The following EEF1AKMT1 variants were observed in gnomAD, a reference collection of about 807,000 sequenced individuals.
EEF1AKMT1 encodes EEF1A lysine methyltransferase 1.
A neutral mutation model predicts 21.0 loss-of-function variants in EEF1AKMT1; 18 were observed. The observed-to-expected ratio is 0.86, with a 90% confidence interval of 0.59 to 1.27. The LOEUF (loss-of-function observed/expected upper bound fraction) is 1.27, where lower values mean the gene tolerates loss of function less well. Among genes scored for constraint, EEF1AKMT1 ranks in the 50% most tolerant of loss-of-function variants. EEF1AKMT1 has a pLI of 0.00. For missense variants in EEF1AKMT1, 246 were observed against 258.6 expected, an observed-to-expected ratio of 0.95 and a Z score of 0.33; for synonymous variants, 109 against 94.8, an observed-to-expected ratio of 1.15 and a Z score of -0.87.
intron 2 of EEF1AKMT1, among the ~76,000 whole-genome samples, chr13:20,739,344 G>C (rs745687496): frequency 4.6e-5 from 7 of 152,184 alleles, no homozygotes; most frequent in East Asian, 1.9e-4. Flanking sequence ...GGCAACCCAA[G>C]AGGGTTGCCG....
rs1006747148 is a variant in EEF1AKMT1 at position 20,737,779 on chromosome 13, C to T, written c.171G>A (p.Gln57=). 2 of 1,612,876 alleles carry T rather than the reference C, an allele frequency of 1.2e-6. No homozygotes were observed. The highest frequency in any genetic ancestry group is 1.3e-5 in the African/African-American group (1 of 75,016). ...NWQLSQFWYS[Q]ETALQLAQEA... ...CCTGTGCCAGCTGCAGAGCAGTTTCCTGACTATACCAAAACTGGCTCAGTT... is the reference window on the plus strand; with the variant it reads ...CCTGTGCCAGCTGCAGAGCAGTTTCTTGACTATACCAAAACTGGCTCAGTT... Residue 57 remains glutamine (Q), a synonymous_variant, in exon 3 of 5, where the codon CAG becomes CAA. Transcript: ENST00000382758.
At chr13:20,731,691 G>C (rs963626185) in intron 4 of EEF1AKMT1, 150 bp downstream of exon 4, 1 of 790,324 alleles carries the variant, frequency 1.3e-6, no homozygotes, top group Non-Finnish European at 2.0e-6. Context: ...ATCAGTCCTA[G>C]TTTACAGATA....
At chr13:20,748,726 G>GTTTTTTTTTTTTTTTTT (rs750094631) in intron 2 of EEF1AKMT1, among the ~76,000 whole-genome samples, 24 of 72,612 alleles carry the variant, frequency 3.3e-4, no homozygotes, top group African/African-American at 8.9e-4. Context: ...TTTTTTTTTG[G>GTTTTTTTTTTTTTTTTT]TTTTTTTTTT....
intron 2 of EEF1AKMT1, 146 bp downstream of exon 2, chr13:20,757,309 G>T: frequency 1.2e-6 from 1 of 859,652 alleles, no homozygotes; most frequent in Non-Finnish European, 1.8e-6. Context: ...ACTGCTTTCT[G>T]TCTTAGCTCC....
chr13:20,755,553 C>G (rs781617072), intron 2 of EEF1AKMT1, among the ~76,000 whole-genome samples: 9 of 152,330 alleles, frequency 5.9e-5, no homozygotes, highest in Non-Finnish European at 1.2e-4. Context: ...CCTAATTGAT[C>G]CCTGTCAAGC....
intron 2 of EEF1AKMT1, among the ~76,000 whole-genome samples, chr13:20,738,970 C>G (rs914339312): frequency 6.6e-6 from 1 of 152,098 alleles, no homozygotes; most frequent in African/African-American, 2.4e-5. Flanking sequence ...AGCTGTGGAC[C>G]CTCACGATGA....
At chr13:20,752,522 T>A (rs1333606764) in intron 2 of EEF1AKMT1, among the ~76,000 whole-genome samples, 1 of 152,130 alleles carries the variant, frequency 6.6e-6, no homozygotes, top group African/African-American at 2.4e-5. Flanking sequence ...TAATTTTTTT[T>A]GATGTACTAT....
intron 3 of EEF1AKMT1, among the ~76,000 whole-genome samples, chr13:20,736,865 G>A (rs1179825599): frequency 1.3e-5 from 2 of 149,378 alleles, no homozygotes; most frequent in Non-Finnish European, 3.0e-5. Context: ...AGCCTCTTGA[G>A]TAGCTGGGAT....
At chr13:20,766,298 C>CAAAAAAAAAAAAAAA (rs35866979) in intron 1 of EEF1AKMT1, among the ~76,000 whole-genome samples, 5 of 76,740 alleles carry the variant, frequency 6.5e-5, no homozygotes, top group Non-Finnish European at 9.2e-5. Context: ...GACTCCATCT[C>CAAAAAAAAAAAAAAA]AAAAAAAAAA....
intron 4 of EEF1AKMT1, among the ~76,000 whole-genome samples, chr13:20,729,873 G>A (rs1024028987): frequency 1.8e-4 from 28 of 152,320 alleles, no homozygotes; most frequent in African/African-American, 6.0e-4. Context: ...AACAGCCCGC[G>A]GTGCCCAGGT....
At chr13:20,741,581 C>T (rs928243118) in intron 2 of EEF1AKMT1, among the ~76,000 whole-genome samples, 1 of 151,500 alleles carries the variant, frequency 6.6e-6, no homozygotes, top group African/African-American at 2.4e-5. Flanking sequence ...CTCAGCCTCC[C>T]GAGTAGCTGG....
At chr13:20,755,646 G>T (rs3923852) in intron 2 of EEF1AKMT1, among the ~76,000 whole-genome samples, 5 of 151,988 alleles carry the variant, frequency 3.3e-5, no homozygotes, top group Non-Finnish European at 2.9e-5. Context: ...CTCTAAGGTA[G>T]TCTATTTGAA....
Position 20,738,386 on chromosome 13 carries a change from G to A in EEF1AKMT1, c.145-581C>T, listed in dbSNP as rs185655308. On this transcript the variant is annotated intron_variant, in intron 2 of 4. Coordinates refer to ENST00000382758, the MANE Select transcript of EEF1AKMT1 (RefSeq NM_001318939.2). ...TGGTGATTTTTAAAAAATTTCTAGTGATCTTTATCTATTCATAGTTATAAA... is the reference window on the plus strand; with the variant it reads ...TGGTGATTTTTAAAAAATTTCTAGTAATCTTTATCTATTCATAGTTATAAA... Among the ~76,000 whole-genome samples the A allele has an allele frequency of 7.3e-3, 1,108 of 152,284 alleles. 5 individuals are homozygous for A. Among genetic ancestry groups the A allele is most frequent in the Admixed American group, 0.014 (209 of 15,288 alleles).
intron 3 of EEF1AKMT1, among the ~76,000 whole-genome samples, chr13:20,734,262 G>C (rs1368782560): frequency 6.6e-6 from 1 of 152,228 alleles, no homozygotes; most frequent in East Asian, 1.9e-4. Flanking sequence ...ACTTCAGGTA[G>C]GACAGTGGTC....
In EEF1AKMT1 at chr13:20,758,526, A is replaced by G. The variant is rs562527126; in HGVS notation, c.-19-909T>C. 3.3e-4 allele frequency among the ~76,000 whole-genome samples: 50 copies of G among 152,318 alleles called. No homozygotes were observed. The East Asian group carries it at 6.2e-3, about 19-fold the overall frequency. ...ACAAATTATGGCATATAAATCAAGTATCAGTATTTTGGCTAGCTTATATAT... is the reference window on the plus strand; with the variant it reads ...ACAAATTATGGCATATAAATCAAGTGTCAGTATTTTGGCTAGCTTATATAT... On this transcript the variant is annotated intron_variant, in intron 1 of 4. Coordinates refer to ENST00000382758, the MANE Select transcript of EEF1AKMT1 (RefSeq NM_001318939.2).
At chr13:20,751,502 G>C (rs1341343238) in intron 2 of EEF1AKMT1, among the ~76,000 whole-genome samples, 1 of 152,104 alleles carries the variant, frequency 6.6e-6, no homozygotes, top group African/African-American at 2.4e-5. Context: ...TCTCTATTCT[G>C]TTCCATTGGT....
Position 20,731,880 on chromosome 13 carries a change from C to T in EEF1AKMT1, c.469G>A (p.Val157Ile), listed in dbSNP as rs200509905. The change falls in exon 4 of 5, where the codon GTC becomes ATC. Residue 157 changes from valine (V) to isoleucine (I), a missense_variant. By Grantham distance (29) the Val-to-Ile change is conservative. Transcript: ENST00000382758. ...EECLRKTSET[V>I]KYLTRGKILL... ...ATCTTGCCCCGCGTCAGGTACTTGA[C>T]GGTTTCCGATGTTTTTCTGAGACAT... 44 of 1,614,040 alleles carry T rather than the reference C, an allele frequency of 2.7e-5. No homozygotes were observed. The highest frequency in any genetic ancestry group is 5.5e-5 in the South Asian group (5 of 91,094).
At chr13:20,748,471 T>C (rs1055769175) in intron 2 of EEF1AKMT1, among the ~76,000 whole-genome samples, 6 of 151,744 alleles carry the variant, frequency 4.0e-5, no homozygotes, top group African/African-American at 1.5e-4. Context: ...ACTAGGCTTA[T>C]AAAGAAAAAC....
At position 20,729,586 on chromosome 13, in the gene EEF1AKMT1, C is replaced by A. The variant is rs143667120; in HGVS notation, c.509-370G>T. Among the ~76,000 whole-genome samples the A allele has an allele frequency of 4.2e-3, 636 of 152,120 alleles. 18 individuals carry two copies. Among genetic ancestry groups the A allele is most frequent in the Admixed American group, 0.038 (581 of 15,276 alleles). ...CATTTCCCAACGTTGAGCCAAGAGC[C>A]TTTTTCAGTAATATCCAATCTTGCA... On this transcript the variant is annotated intron_variant, in intron 4 of 4. Transcript: ENST00000382758.
Sources: gnomAD v4.1 joint callset for allele counts (sites outside exome capture counted in the v4.1 genomes callset) on GRCh38, gnomAD v4.1.1 for gene constraint, MANE v1.5 for transcripts, NCBI Gene and HGNC (gene_info 2026-07-23, HGNC 2026-07-21) for gene names.